Variants in SLC24A2 observed in about 807,000 individuals in gnomAD.
SLC24A2 encodes the protein sodium/potassium/calcium exchanger 2.
Under a neutral mutation model 62.0 loss-of-function variants are expected in SLC24A2, and 36 were observed. The ratio of observed to expected loss-of-function variants is 0.58; its 90% CI spans 0.44 to 0.77. The LOEUF (loss-of-function observed/expected upper bound fraction) is 0.77, where lower values mean the gene tolerates loss of function less well. Ranked by LOEUF, SLC24A2 falls within the 30% of genes least tolerant of loss-of-function variation. SLC24A2 has a pLI of 0.00. For missense variants in SLC24A2, 846 were observed against 817.9 expected (o/e 1.03, Z -0.42); for synonymous variants, 358 against 294.0 (o/e 1.22, Z -2.23).
chr9:19,971,534 C>T, the SLC24A2 span, among the ~76,000 whole-genome samples: 1 of 152,284 alleles, frequency 6.6e-6, no homozygotes, highest in Admixed American at 6.5e-5. Context: ...GAGATTATTC[C>T]TGGTACCAAC....
At chr9:19,829,113 T>C in the SLC24A2 span, among the ~76,000 whole-genome samples, 5 of 152,160 alleles carry the variant, frequency 3.3e-5, no homozygotes, top group African/African-American at 9.7e-5. Flanking sequence ...CCTTATCAAA[T>C]TCCCATCATG....
At chr9:19,686,749 G>A (rs1007250051) in intron 2 of SLC24A2, among the ~76,000 whole-genome samples, 4 of 152,110 alleles carry the variant, frequency 2.6e-5, no homozygotes, top group Non-Finnish European at 5.9e-5. Flanking sequence ...TGAACTGTGA[G>A]TCAATTAAAC....
chr9:19,722,204 G>C (rs1821046281), intron 2 of SLC24A2, among the ~76,000 whole-genome samples: 1 of 152,090 alleles, frequency 6.6e-6, no homozygotes, highest in Non-Finnish European at 1.5e-5. Flanking sequence ...TTCCTTAGGT[G>C]AAAAAACCTG....
chr9:19,788,678 A>C (rs3808652), intron 1 of SLC24A2: 434,915 of 985,030 alleles, frequency 0.44, 97,442 homozygotes, highest in Admixed American at 0.49. Context: ...CCCAAGCCAA[A>C]AGCAAGGGTA....
chr9:19,906,380 G>A, the SLC24A2 span, among the ~76,000 whole-genome samples: 2 of 151,470 alleles, frequency 1.3e-5, no homozygotes, highest in Non-Finnish European at 2.9e-5. Flanking sequence ...AAGCAGGAAA[G>A]ATCTAAAATT....
At chr9:19,710,720 G>T (rs1820690129) in intron 2 of SLC24A2, among the ~76,000 whole-genome samples, 2 of 152,152 alleles carry the variant, frequency 1.3e-5, no homozygotes, top group African/African-American at 2.4e-5. Flanking sequence ...AAAAGGCTGT[G>T]GGAAAGATCA....
the SLC24A2 span, among the ~76,000 whole-genome samples, chr9:20,271,312 T>C: frequency 3.3e-5 from 5 of 152,212 alleles, no homozygotes; most frequent in East Asian, 9.6e-4. Context: ...ACTGTAGATG[T>C]CACCAACAGA....
At chr9:19,554,504 C>CG (rs1563959742) in intron 7 of SLC24A2, among the ~76,000 whole-genome samples, 1 of 152,128 alleles carries the variant, frequency 6.6e-6, no homozygotes, top group African/African-American at 2.4e-5. Context: ...CAGTCCCCCA[C>CG]GGATAGCAAG....
chr9:19,948,742 G>A, the SLC24A2 span, among the ~76,000 whole-genome samples: 1 of 150,872 alleles, frequency 6.6e-6, no homozygotes, highest in Non-Finnish European at 1.5e-5. Context: ...CTACTCGGGA[G>A]GCTGAGGCAG....
chr9:19,855,263 T>G, the SLC24A2 span, among the ~76,000 whole-genome samples: 1 of 152,192 alleles, frequency 6.6e-6, no homozygotes, highest in Non-Finnish European at 1.5e-5. Context: ...TCTTTATCTT[T>G]TAATTGGGGA....
chr9:20,280,592 T>G, the SLC24A2 span, among the ~76,000 whole-genome samples: 1 of 152,226 alleles, frequency 6.6e-6, no homozygotes, highest in Admixed American at 6.5e-5. Flanking sequence ...GGTTTTGGGT[T>G]TATGGTTTCG....
chr9:19,873,639 G>C, the SLC24A2 span, among the ~76,000 whole-genome samples: 1 of 150,096 alleles, frequency 6.7e-6, no homozygotes, highest in Non-Finnish European at 1.5e-5. Context: ...TCTAGAGACA[G>C]GGTCTCATAT....
intron 5 of SLC24A2, among the ~76,000 whole-genome samples, chr9:19,592,566 C>A (rs1175884742): frequency 6.6e-6 from 1 of 152,066 alleles, no homozygotes; most frequent in African/African-American, 2.4e-5. Flanking sequence ...ACCTACATGT[C>A]TCTGTGAAAC....
chr9:20,165,381 T>A, the SLC24A2 span, among the ~76,000 whole-genome samples: 1 of 151,896 alleles, frequency 6.6e-6, no homozygotes, highest in East Asian at 1.9e-4. Context: ...AGATATGGGT[T>A]GAGCTATGAG....
chr9:19,707,009 C>G (rs1301372214), intron 2 of SLC24A2, among the ~76,000 whole-genome samples: 1 of 151,674 alleles, frequency 6.6e-6, no homozygotes, highest in East Asian at 1.9e-4. Context: ...AGACCGCTAG[C>G]AAGACTAATA....
At chr9:19,665,927 G>A (rs997279266) in intron 2 of SLC24A2, among the ~76,000 whole-genome samples, 2 of 152,064 alleles carry the variant, frequency 1.3e-5, no homozygotes, top group Non-Finnish European at 2.9e-5. Context: ...CCAAAGTGCT[G>A]GGATTACAGG....
At chr9:19,891,141 C>T in the SLC24A2 span, among the ~76,000 whole-genome samples, 1 of 152,144 alleles carries the variant, frequency 6.6e-6, no homozygotes, top group Non-Finnish European at 1.5e-5. Context: ...CTGGTTGGCC[C>T]ATCTCCATTA....
the SLC24A2 span, among the ~76,000 whole-genome samples, chr9:20,220,108 T>C: frequency 2.8e-4 from 43 of 152,272 alleles, no homozygotes; most frequent in African/African-American, 9.9e-4. Context: ...CTGATTCCTA[T>C]AGTTAATTTT....
the SLC24A2 span, among the ~76,000 whole-genome samples, chr9:19,984,458 C>A: frequency 3.9e-5 from 6 of 152,272 alleles, no homozygotes; most frequent in Admixed American, 1.3e-4. Flanking sequence ...GTAATTGCAG[C>A]ACTTTGGGAG....
Sources: gnomAD v4.1 joint callset for allele counts (sites outside exome capture counted in the v4.1 genomes callset) on GRCh38, gnomAD v4.1.1 for gene constraint, MANE v1.5 for transcripts, NCBI Gene and HGNC (gene_info 2026-07-23, HGNC 2026-07-21) for gene names.